MSRA: variants seen among roughly 807,000 people sequenced by gnomAD.
MSRA encodes the protein mitochondrial peptide methionine sulfoxide reductase.
MSRA carries 54 observed loss-of-function variants against 31.3 expected under a neutral mutation model. The observed-to-expected ratio is 1.73, with a 90% CI of 1.39 to 2.17. The LOEUF is 2.17. Ranked by LOEUF, MSRA falls within the 30% of genes most tolerant of loss-of-function variation. The pLI is 0.00. For missense variants in MSRA, 507 were observed against 300.9 expected (o/e 1.69, Z -5.07); for synonymous variants, 169 against 116.5 (o/e 1.45, Z -2.90).
intron 5 of MSRA, among the ~76,000 whole-genome samples, chr8:10,421,443 C>G (rs78127173): frequency 6.6e-6 from 1 of 152,132 alleles, no homozygotes; most frequent in African/African-American, 2.4e-5. Flanking sequence ...ACCTTGCCCA[C>G]TGGTGCCCAC....
At chr8:10,353,483 G>A (rs1316037475) in intron 5 of MSRA, 1 of 36,128 alleles carries the variant, frequency 2.8e-5, no homozygotes, top group African/African-American at 1.2e-3. Context: ...ATTTGGTACC[G>A]GAGGCCCGGA....
At chr8:10,117,075 A>G (rs531485404) in intron 1 of MSRA, among the ~76,000 whole-genome samples, 6 of 152,320 alleles carry the variant, frequency 3.9e-5, no homozygotes, top group Non-Finnish European at 8.8e-5. Flanking sequence ...GCCCAGAGCA[A>G]CTATGCAGGA....
At chr8:10,106,829 C>CCACT (rs2128936996) in intron 1 of MSRA, among the ~76,000 whole-genome samples, 1 of 152,060 alleles carries the variant, frequency 6.6e-6, no homozygotes, top group Non-Finnish European at 1.5e-5. Flanking sequence ...ACCTACCTAC[C>CCACT]CACTCACACA....
intron 5 of MSRA, among the ~76,000 whole-genome samples, chr8:10,405,194 C>A (rs1807727240): frequency 6.6e-6 from 1 of 152,200 alleles, no homozygotes; most frequent in African/African-American, 2.4e-5. Context: ...CTGAGCCCAG[C>A]CTCCCTCTGG....
intron 1 of MSRA, among the ~76,000 whole-genome samples, chr8:10,150,412 A>T (rs1302409213): frequency 6.6e-6 from 1 of 152,208 alleles, no homozygotes; most frequent in Non-Finnish European, 1.5e-5. Flanking sequence ...TATATTAATT[A>T]TCTATTCAGT....
At chr8:10,356,493 G>A (rs1241101817) in intron 5 of MSRA, among the ~76,000 whole-genome samples, 2 of 152,168 alleles carry the variant, frequency 1.3e-5, no homozygotes, top group Admixed American at 1.3e-4. Context: ...TTTCTTTACG[G>A]ATTTGTCACC....
At chr8:10,315,356 G>A (rs1275721057) in intron 4 of MSRA, among the ~76,000 whole-genome samples, 3 of 152,074 alleles carry the variant, frequency 2.0e-5, no homozygotes, top group Non-Finnish European at 4.4e-5. Context: ...GAGAGGGAAG[G>A]CATTGTCATC....
At chr8:10,098,015 G>A (rs541688728) in intron 1 of MSRA, among the ~76,000 whole-genome samples, 2 of 152,016 alleles carry the variant, frequency 1.3e-5, no homozygotes, top group African/African-American at 2.4e-5. Flanking sequence ...TAATAGACAC[G>A]TCTTTGTGCA....
chr8:10,195,658 G>A (rs28412858), intron 1 of MSRA, among the ~76,000 whole-genome samples: 3,205 of 152,322 alleles, frequency 0.021, 114 homozygotes, highest in African/African-American at 0.073. Flanking sequence ...ATGGAGGCCA[G>A]CTGGCCTGAG....
At chr8:10,186,952 T>C (rs1807109074) in intron 1 of MSRA, among the ~76,000 whole-genome samples, 1 of 152,222 alleles carries the variant, frequency 6.6e-6, no homozygotes, top group Non-Finnish European at 1.5e-5. Context: ...ATTCCGATTG[T>C]TGATCTTGTA....
chr8:10,377,587 T>G (rs138002879), intron 5 of MSRA, among the ~76,000 whole-genome samples: 144 of 152,314 alleles, frequency 9.5e-4, no homozygotes, highest in African/African-American at 3.4e-3. Flanking sequence ...TTTCCACTTT[T>G]GGTTTTGTCT....
At chr8:10,185,336 A>G (rs1018238183) in intron 1 of MSRA, among the ~76,000 whole-genome samples, 7 of 152,180 alleles carry the variant, frequency 4.6e-5, no homozygotes, top group Admixed American at 1.3e-4. Flanking sequence ...GGAAGATGCT[A>G]CCAGCTGTGG....
intron 5 of MSRA, among the ~76,000 whole-genome samples, chr8:10,400,863 C>A (rs1255737336): frequency 6.6e-6 from 1 of 152,138 alleles, no homozygotes; most frequent in Non-Finnish European, 1.5e-5. Flanking sequence ...ACACCATACA[C>A]AACAATTAAC....
chr8:10,151,273 A>T lies in MSRA; in HGVS notation c.143-56560A>T, dbSNP rs1442484608. 7.9e-5 allele frequency among the ~76,000 whole-genome samples: 12 copies of T among 150,988 alleles called. 1 individual carries two copies. The highest frequency in any genetic ancestry group is 2.2e-4 in the African/African-American group (9 of 41,158). Reference sequence around the variant, plus strand: ...CGAGAGTCTGTCTCAAAAAAAAAAAAAAAAAAAAAAAAAAATAAGGGCTTC... The same window carrying T: ...CGAGAGTCTGTCTCAAAAAAAAAAATAAAAAAAAAAAAAAATAAGGGCTTC... On this transcript the variant is annotated intron_variant, in intron 1 of 5. Transcript: ENST00000317173.
chr8:10,187,489 G>C (rs918837367), intron 1 of MSRA, among the ~76,000 whole-genome samples: 1 of 152,162 alleles, frequency 6.6e-6, no homozygotes, highest in Non-Finnish European at 1.5e-5. Flanking sequence ...TACTGTGCAG[G>C]TGCCTGACTT....
intron 1 of MSRA, 49 bp downstream of exon 1, chr8:10,054,707 C>G (rs752260566): frequency 1.4e-5 from 20 of 1,427,840 alleles, no homozygotes; most frequent in Non-Finnish European, 1.7e-5. Context: ...TGCGCATGCG[C>G]GCCTTTGCCC....
intron 5 of MSRA, among the ~76,000 whole-genome samples, chr8:10,329,690 T>C (rs4841318): frequency 0.68 from 103,906 of 151,764 alleles, 36,164 homozygotes; most frequent in East Asian, 1. Context: ...GAGACTGAAA[T>C]TGGGGGCTCT....
At chr8:10,208,860 A>G in intron 2 of MSRA, among the ~76,000 whole-genome samples, 1 of 152,250 alleles carries the variant, frequency 6.6e-6, no homozygotes, top group Non-Finnish European at 1.5e-5. Flanking sequence ...TTGAGGGTAC[A>G]AAACTGCTTT....
chr8:10,128,337 C>T (rs943560372), intron 1 of MSRA, among the ~76,000 whole-genome samples: 1 of 151,942 alleles, frequency 6.6e-6, no homozygotes, highest in African/African-American at 2.4e-5. Context: ...CGAGATTGCA[C>T]CATTGCACTC....
Sources: gnomAD v4.1 joint callset for allele counts (sites outside exome capture counted in the v4.1 genomes callset) on GRCh38, gnomAD v4.1.1 for gene constraint, MANE v1.5 for transcripts, NCBI Gene and HGNC (gene_info 2026-07-23, HGNC 2026-07-21) for gene names.